Variants in EIF3B observed in about 807,000 individuals in gnomAD.
EIF3B encodes the protein eukaryotic translation initiation factor 3 subunit 9.
Under a neutral mutation model 104.6 loss-of-function variants are expected in EIF3B, and 10 were observed. The ratio of observed to expected loss-of-function variants is 0.10; its 90% CI spans 0.06 to 0.16. The LOEUF (loss-of-function observed/expected upper bound fraction) is 0.16, where lower values mean the gene tolerates loss of function less well. EIF3B is among the 10% of genes least tolerant of loss of function. The probability of loss-of-function intolerance (pLI) is 1.00; values close to 1 mark genes in which losing one functional copy is unlikely to be tolerated. For missense variants in EIF3B, 1,014 were observed against 1,087.9 expected (o/e 0.93, Z 0.96); for synonymous variants, 542 against 417.2 (o/e 1.30, Z -3.65).
chr7:2,354,983 A>G lies in EIF3B; in HGVS notation c.62A>G (p.Gln21Arg). The change falls in exon 1 of 19, where the codon CAG becomes CGG. Residue 21 changes from glutamine (Q) to arginine (R), a missense_variant. By Grantham distance (43) the Gln-to-Arg change is conservative (BLOSUM62 1). Around this residue, in one of 4 missense-constraint regions of EIF3B, gnomAD observed 488 missense variants for 404.3 expected, o/e 1.21. Coordinates refer to ENST00000360876, the MANE Select transcript of EIF3B (RefSeq NM_001037283.2). ...EAAEERAEPG[Q>R]QQPAAEPPPA... is the part of the protein sequence containing the mutation. The stretch of plus-strand genomic sequence containing the variant: ...GCCGAGGAGCGCGCCGAGCCCGGCC[A>G]GCAGCAGCCGGCCGCCGAGCCGCCG... The G allele has an allele frequency of 2.6e-6, 3 of 1,173,360 alleles. No individual in the cohort carries two copies. The highest frequency in any genetic ancestry group is 8.3e-5 in the East Asian group (2 of 23,996). The allele number at this position is 1,173,360 out of a possible 1,614,324, so 72.7% of individuals were successfully genotyped here.
chr7:2,360,487 C>G (rs1323571157), intron 1 of EIF3B, among the ~76,000 whole-genome samples: 1 of 152,176 alleles, frequency 6.6e-6, no homozygotes, highest in African/African-American at 2.4e-5. Flanking sequence ...ATTGACCTGT[C>G]TTGACTGTTT....
chr7:2,363,466 G>C (rs1183898608), intron 4 of EIF3B, among the ~76,000 whole-genome samples, 166 bp from the exon 5 acceptor site: 1 of 150,638 alleles, frequency 6.6e-6, no homozygotes. Flanking sequence ...GCGTGACTCT[G>C]TCTCAAAAAA....
At chr7:2,378,240 G>A (rs577891683) in intron 15 of EIF3B, 5 of 164,640 alleles carry the variant, frequency 3.0e-5, no homozygotes, top group South Asian at 1.3e-4. Context: ...CGAGGAAGGA[G>A]AAGGCGCGAG....
At chr7:2,370,051 A>C (rs1005018683) in intron 10 of EIF3B, among the ~76,000 whole-genome samples, 3 of 152,146 alleles carry the variant, frequency 2.0e-5, no homozygotes, top group African/African-American at 7.2e-5. Context: ...GGCTGGGATT[A>C]CAGGCGTGAG....
At chr7:2,362,797 G>A (rs781626198) in intron 3 of EIF3B, 33 bp downstream of exon 3, 9 of 1,613,222 alleles carry the variant, frequency 5.6e-6, no homozygotes, top group Admixed American at 1.7e-5. Context: ...GGAAGTGGAC[G>A]TTGACGTGCA....
At chr7:2,376,869 G>T in intron 14 of EIF3B, 81 bp from the exon 15 acceptor site, 1 of 1,549,100 alleles carries the variant, frequency 6.5e-7, no homozygotes, top group South Asian at 1.2e-5. Flanking sequence ...CGATACCCAG[G>T]ACCTTGTTCA....
chr7:2,363,056 C>T lies in EIF3B; in HGVS notation c.813-14C>T, dbSNP rs1034197604. On this transcript the variant is annotated splice_polypyrimidine_tract_variant and intron_variant, in intron 3 of 18. Transcript: ENST00000360876. The stretch of plus-strand genomic sequence containing the variant: ...GTCAGGGCGTGGGGCTCAGCAGTCT[C>T]CTTTCTTCTCCAGGTATATGACGAT... 2 of 1,613,978 alleles carry T rather than the reference C, an allele frequency of 1.2e-6. No individual in the cohort carries two copies.
At chr7:2,361,210 T>C (rs1280390034) in intron 2 of EIF3B, among the ~76,000 whole-genome samples, 2 of 152,180 alleles carry the variant, frequency 1.3e-5, no homozygotes, top group Non-Finnish European at 2.9e-5. Flanking sequence ...TGAGCTATGA[T>C]AACGTAGCTG....
intron 9 of EIF3B, among the ~76,000 whole-genome samples, chr7:2,367,992 G>A (rs910896915): frequency 1.3e-5 from 2 of 151,686 alleles, no homozygotes; most frequent in African/African-American, 4.8e-5. Flanking sequence ...GCAGGTGCCT[G>A]CCACCATGCC....
At position 2,360,844 on chromosome 7, in the gene EIF3B, T is replaced by C; in HGVS notation, c.634T>C (p.Ser212Pro). ...KLKNVIHKIF[S>P]KFGKITNDFY... Reference sequence around the variant, plus strand: ...CAAAAATGTCATCCACAAGATCTTTTCCAAGTTTGGGAAAATCACAAATGA... The same window carrying C: ...CAAAAATGTCATCCACAAGATCTTTCCCAAGTTTGGGAAAATCACAAATGA... The change falls in exon 2 of 19, where the codon TCC becomes CCC. Residue 212 changes from serine to proline, a missense_variant. Physicochemically the swap from Ser to Pro is moderately conservative, Grantham distance 74. This residue lies in a region of EIF3B where 488 missense variants were observed against 404.3 expected (regional missense o/e 1.21). Transcript: ENST00000360876. The C allele has an allele frequency of 6.2e-7, 1 of 1,613,938 alleles. No individual in the cohort carries two copies.
At chr7:2,377,229 A>C (rs2115337325) in intron 15 of EIF3B, among the ~76,000 whole-genome samples, 154 bp downstream of exon 15, 1 of 152,356 alleles carries the variant, frequency 6.6e-6, no homozygotes, top group South Asian at 2.1e-4. Flanking sequence ...AACAGTGAGA[A>C]CTGAATGGAA....
chr7:2,364,363 T>C lies in EIF3B; in HGVS notation c.1000-9T>C. ...GTTGTATTAACGTTGGCACTGCCTTTTTCTGCAGAGATGGACAGAGACGTA... is the reference window on the plus strand; with the variant it reads ...GTTGTATTAACGTTGGCACTGCCTTCTTCTGCAGAGATGGACAGAGACGTA... On this transcript the variant is annotated splice_polypyrimidine_tract_variant and intron_variant, in intron 5 of 18. Coordinates refer to ENST00000360876, the MANE Select transcript of EIF3B (RefSeq NM_001037283.2). The C allele has an allele frequency of 6.3e-7, 1 of 1,580,640 alleles. No homozygotes were observed. The highest frequency in any genetic ancestry group is 8.6e-7 in the Non-Finnish European group (1 of 1,169,096).
intron 15 of EIF3B, chr7:2,378,353 C>T (rs1780785696): frequency 3.4e-6 from 1 of 293,938 alleles, no homozygotes. Flanking sequence ...CCCTTGGTGT[C>T]ATGGAGGAAG....
Position 2,362,743 on chromosome 7 carries a change from A to G in EIF3B, c.791A>G (p.Asn264Ser), listed in dbSNP as rs775778858. ...GACAAGCAGCACACATTCCGGGTCA[A>G]CCTCTTTACGGATTTTGACAAGTGA... is the stretch of plus-strand genomic sequence containing the variant. ...KLDKQHTFRV[N>S]LFTDFDKYMT... The change falls in exon 3 of 19, where the codon AAC becomes AGC. Residue 264 changes from asparagine to serine, a missense_variant. By Grantham distance (46) the Asn-to-Ser change is conservative (BLOSUM62 1). Transcript: ENST00000360876. 18 of 1,614,020 alleles carry G rather than the reference A, an allele frequency of 1.1e-5. No individual in the cohort carries two copies. Among genetic ancestry groups the G allele is most frequent in the South Asian group, 4.4e-5 (4 of 91,094 alleles).
At position 2,372,792 on chromosome 7, in the gene EIF3B, A is replaced by G; in HGVS notation, c.1807A>G (p.Ile603Val). 1 of 1,613,876 alleles carries G rather than the reference A, an allele frequency of 6.2e-7. No individual in the cohort carries two copies. Among genetic ancestry groups the G allele is most frequent in the Non-Finnish European group, 8.5e-7 (1 of 1,179,870 alleles). The stretch of plus-strand genomic sequence containing the variant: ...CAAAAACAACGGGAAGATTGAACTC[A>G]TCAGTAAGTAACCTGGTCCCTTTCC... ...HVKNNGKIEL[I>V]KMFDKQQANT... The change falls in exon 12 of 19, where the codon ATC (isoleucine) becomes GTC (valine). Residue 603 changes from isoleucine to valine, a missense_variant. Coordinates refer to ENST00000360876, the MANE Select transcript of EIF3B (RefSeq NM_001037283.2).
At chr7:2,359,460 T>G (rs1332429895) in intron 1 of EIF3B, among the ~76,000 whole-genome samples, 1 of 152,228 alleles carries the variant, frequency 6.6e-6, no homozygotes, top group Non-Finnish European at 1.5e-5. Context: ...AGGGGCTCCA[T>G]GCAGCGGAAC....
upstream of EIF3B, chr7:2,354,805 G>T: frequency 1.0e-6 from 1 of 993,890 alleles, no homozygotes; most frequent in Non-Finnish European, 1.2e-6. Flanking sequence ...CGGCCTTGGT[G>T]CGGCCTCCCC....
chr7:2,362,864 T>A, intron 3 of EIF3B, 100 bp downstream of exon 3: 1 of 1,555,238 alleles, frequency 6.4e-7, no homozygotes, highest in South Asian at 1.1e-5. Context: ...TCTGTCAGAT[T>A]GTTCACATCC....
chr7:2,378,498 G>A lies in EIF3B; in HGVS notation c.2155-191G>A, dbSNP rs1313177039. ...GGGTGTCATGGAGGAAGGAGCAGGC[G>A]CGAGTGCTGCTGGGAAGCTGTGTTG... is the stretch of plus-strand genomic sequence containing the variant. On this transcript the variant is annotated intron_variant, in intron 15 of 18. Coordinates refer to ENST00000360876, the MANE Select transcript of EIF3B (RefSeq NM_001037283.2). 14 of 265,360 alleles carry A rather than the reference G, an allele frequency of 5.3e-5. 1 individual carries two copies. Among genetic ancestry groups the A allele is most frequent in the Admixed American group, 1.3e-4 (2 of 14,998 alleles). The allele number at this position is 265,360 out of a possible 1,614,324, so 16.4% of individuals were successfully genotyped here.
Sources: allele counts gnomAD v4.1 joint callset (sites outside exome capture counted in the v4.1 genomes callset), GRCh38; gene constraint gnomAD v4.1.1; regional missense constraint gnomAD v4.1.1; transcripts MANE v1.5; gene names NCBI Gene and HGNC (gene_info 2026-07-23, HGNC 2026-07-21).